The following IQCM variants were observed in gnomAD, a reference collection of about 807,000 sequenced individuals.
IQCM encodes IQ domain-containing protein M.
In IQCM, 45 loss-of-function variants were observed where a neutral mutation model predicts 57.6. That is an observed-to-expected ratio of 0.78 (90% CI 0.62 to 1.00). The LOEUF is 1.00. Among genes scored for constraint, IQCM ranks in the 50% least tolerant of loss-of-function variants. The pLI is 0.00. For missense variants in IQCM, 468 were observed against 511.6 expected, an observed-to-expected ratio of 0.91 and a Z score of 0.82; for synonymous variants, 148 against 158.9, an observed-to-expected ratio of 0.93 and a Z score of 0.51.
intron 12 of IQCM, among the ~76,000 whole-genome samples, chr4:149,445,608 G>A (rs937805141): frequency 1.3e-5 from 2 of 151,710 alleles, no homozygotes; most frequent in South Asian, 2.1e-4. Context: ...TGTTGCCTGT[G>A]CTTAGGGTAA....
At chr4:149,791,563 C>T (rs954899017) in intron 2 of IQCM, among the ~76,000 whole-genome samples, 1 of 152,140 alleles carries the variant, frequency 6.6e-6, no homozygotes, top group African/African-American at 2.4e-5. Context: ...TAACCATTCC[C>T]TCTTTATCTG....
intron 13 of IQCM, among the ~76,000 whole-genome samples, chr4:149,362,613 C>G (rs180747812): frequency 6.6e-6 from 1 of 152,140 alleles, no homozygotes; most frequent in Non-Finnish European, 1.5e-5. Context: ...CACCTCCCAC[C>G]GTGATTCTGA....
At chr4:149,605,158 G>A (rs1319745204) in intron 8 of IQCM, among the ~76,000 whole-genome samples, 1 of 152,192 alleles carries the variant, frequency 6.6e-6, no homozygotes, top group Non-Finnish European at 1.5e-5. Flanking sequence ...TTATGATTGA[G>A]AATTGGGTTG....
At position 149,673,331 on chromosome 4, in the gene IQCM, T is replaced by C. The variant is rs566109875; in HGVS notation, c.565+8787A>G. Reference sequence around the variant, plus strand: ...CAATTAAAAGACACAGACTGGCAAATTGGATAAAGAGTCAAGATCCATCAG... The same window carrying C: ...CAATTAAAAGACACAGACTGGCAAACTGGATAAAGAGTCAAGATCCATCAG... On this transcript the variant is annotated intron_variant, in intron 7 of 13. Transcript: ENST00000636793. Among the ~76,000 whole-genome samples, 181 of 151,986 alleles carry C rather than the reference T, an allele frequency of 1.2e-3. 1 individual carries two copies. Among genetic ancestry groups the C allele is most frequent in the African/African-American group, 4.0e-3 (166 of 41,456 alleles).
intron 13 of IQCM, among the ~76,000 whole-genome samples, chr4:149,431,029 C>A (rs1011284975): frequency 3.3e-5 from 5 of 151,702 alleles, no homozygotes; most frequent in Admixed American, 6.6e-5. Flanking sequence ...GGTAAAACCC[C>A]AAATCTACTA....
At chr4:149,563,944 C>T (rs946741156) in intron 9 of IQCM, 54 bp from the exon 10 acceptor site, 57 of 855,206 alleles carry the variant, frequency 6.7e-5, no homozygotes, top group Non-Finnish European at 8.4e-5. Flanking sequence ...TAACCTTCCA[C>T]AAACAGTTTT....
intron 13 of IQCM, among the ~76,000 whole-genome samples, chr4:149,356,182 C>T (rs1193680857): frequency 6.6e-6 from 1 of 152,126 alleles, no homozygotes; most frequent in Non-Finnish European, 1.5e-5. Flanking sequence ...AATTTTCTCC[C>T]ATTCTGTAGG....
rs554959815 is a variant in IQCM, at chr4:149,656,317, C to A, written c.565+25801G>T. 2.0e-5 allele frequency among the ~76,000 whole-genome samples: 3 copies of A among 152,062 alleles called. No homozygotes were observed. The South Asian group carries it at 6.2e-4, about 32-fold the overall frequency. ...ATATTTTAAATATATTAAATTTCAGCATTTTCAAATCATTTTGGAATCATC... is the reference window on the plus strand; with the variant it reads ...ATATTTTAAATATATTAAATTTCAGAATTTTCAAATCATTTTGGAATCATC... On this transcript the variant is annotated intron_variant, in intron 7 of 13. Coordinates refer to ENST00000636793, the MANE Select transcript of IQCM (RefSeq NM_001363507.2).
chr4:149,514,643 G>A (rs1744755963), intron 12 of IQCM: 1 of 152,220 alleles, frequency 6.6e-6, no homozygotes, highest in Non-Finnish European at 1.5e-5. Context: ...TTGTTTTTCA[G>A]TCTGTTAATG....
intron 12 of IQCM, among the ~76,000 whole-genome samples, chr4:149,489,139 C>T (rs1306550878): frequency 6.6e-6 from 1 of 151,992 alleles, no homozygotes; most frequent in South Asian, 2.1e-4. Flanking sequence ...GGCATAGTAA[C>T]ATAATTCAAC....
At chr4:149,361,065 G>A (rs1297852183) in intron 13 of IQCM, among the ~76,000 whole-genome samples, 1 of 152,184 alleles carries the variant, frequency 6.6e-6, no homozygotes, top group Non-Finnish European at 1.5e-5. Context: ...TTGGGAACTG[G>A]AGTAAAGGTG....
chr4:149,590,699 GT>G (rs1427477247), intron 8 of IQCM, among the ~76,000 whole-genome samples: 1 of 152,000 alleles, frequency 6.6e-6, no homozygotes, highest in Non-Finnish European at 1.5e-5. Flanking sequence ...AGAACATGCG[GT>G]GTTTGGTTTT....
chr4:149,809,249 G>A (rs895505238), intron 2 of IQCM, among the ~76,000 whole-genome samples: 1 of 149,896 alleles, frequency 6.7e-6, no homozygotes, highest in Non-Finnish European at 1.5e-5. Context: ...GAGACAGAAT[G>A]AGACTGTCTC....
intron 12 of IQCM, among the ~76,000 whole-genome samples, chr4:149,437,554 G>C (rs1735487701): frequency 6.6e-6 from 1 of 152,004 alleles, no homozygotes; most frequent in African/African-American, 2.4e-5. Flanking sequence ...GGAGTTTTCA[G>C]AGAACTCAAA....
chr4:149,615,558 G>A (rs1249424118), intron 8 of IQCM, among the ~76,000 whole-genome samples: 1 of 152,008 alleles, frequency 6.6e-6, no homozygotes, highest in African/African-American at 2.4e-5. Context: ...AACGTTTAAA[G>A]CATAAAGACA....
At chr4:149,515,187 C>A (rs1744828138) in intron 12 of IQCM, among the ~76,000 whole-genome samples, 1 of 151,472 alleles carries the variant, frequency 6.6e-6, no homozygotes, top group African/African-American at 2.4e-5. Context: ...GAGATAACTA[C>A]TCCCCTTTTT....
At chr4:149,689,747 T>C (rs1396864265) in intron 5 of IQCM, among the ~76,000 whole-genome samples, 2 of 151,158 alleles carry the variant, frequency 1.3e-5, no homozygotes, top group Non-Finnish European at 3.0e-5. Flanking sequence ...AAATACAAAA[T>C]CCCATCAAAA....
intron 9 of IQCM, among the ~76,000 whole-genome samples, chr4:149,574,353 T>C (rs1751446957): frequency 6.6e-6 from 1 of 151,794 alleles, no homozygotes. Context: ...CTCATGAAAA[T>C]AAAAATGTGA....
rs139113541 is a variant in IQCM at position 149,690,088 on chromosome 4, C to G, written c.386-3620G>C. 8.2e-3 allele frequency among the ~76,000 whole-genome samples: 1,244 copies of G among 152,124 alleles called. 8 individuals are homozygous for G. The highest frequency in any genetic ancestry group is 0.026 in the African/African-American group (1,069 of 41,514). On this transcript the variant is annotated intron_variant, in intron 5 of 13. Coordinates refer to ENST00000636793, the MANE Select transcript of IQCM (RefSeq NM_001363507.2). ...ATCTACCCAAAGGAAAAGAAGTCAT[C>G]ATACGAAAAAGATACTTGCACATGC...
Sources: gnomAD v4.1 joint callset for allele counts (sites outside exome capture counted in the v4.1 genomes callset) on GRCh38, gnomAD v4.1.1 for gene constraint, MANE v1.5 for transcripts, NCBI Gene and HGNC (gene_info 2026-07-23, HGNC 2026-07-21) for gene names.